PDE4D: variants seen among roughly 807,000 people sequenced by gnomAD.
The protein encoded by PDE4D is phosphodiesterase 4D.
PDE4D carries 24 observed loss-of-function variants against 87.4 expected under a neutral mutation model. The ratio of observed to expected loss-of-function variants is 0.27; its 90% confidence interval spans 0.20 to 0.39. PDE4D has a LOEUF of 0.39. Ranked by LOEUF, PDE4D falls within the 10% of genes least tolerant of loss-of-function variation. PDE4D has a pLI of 1.00. For synonymous variants in PDE4D, 384 were observed against 383.2 expected (o/e 1.00, Z -0.02); for missense variants, 714 against 1,041.0 (o/e 0.69, Z 4.32).
At position 58,975,906 on chromosome 5, in the gene PDE4D, A is replaced by AAG. The variant is rs1743622881; in HGVS notation, c.1831-68_1831-67insCT. 8.3e-7 allele frequency: 1 copy of AAG among 1,209,660 alleles called. No homozygotes were observed. Among genetic ancestry groups the AAG allele is most frequent in the African/African-American group, 1.6e-5 (1 of 64,334 alleles). 74.9% of individuals were successfully genotyped at this position (1,209,660 alleles called of 1,614,324 possible). A position where few individuals can be genotyped will look rare whatever the true frequency, so the allele number is the denominator to read the frequency against. ...TTTTTTAAAAAAAAAAACAAAAAAA[A>AAG]CTAGAAATTCACATTGGATGACTGC... On this transcript the variant is annotated intron_variant, in intron 13 of 14. Coordinates refer to ENST00000340635, the MANE Select transcript of PDE4D (RefSeq NM_001104631.2). The surrounding 1 kb of genome is among the most constrained non-coding windows in gnomAD (Gnocchi z 4.2).
chr5:59,959,416 T>C (rs1304843526), intron 3 of PDE4D, among the ~76,000 whole-genome samples: 1 of 151,988 alleles, frequency 6.6e-6, no homozygotes, highest in African/African-American at 2.4e-5. Flanking sequence ...AAAGCAATCC[T>C]AAAGAAAAAG....
At chr5:60,472,374 C>T (rs1747878551) in intron 1 of PDE4D, among the ~76,000 whole-genome samples, 1 of 152,146 alleles carries the variant, frequency 6.6e-6, no homozygotes, top group Admixed American at 6.6e-5. Context: ...ACCGGAGTTC[C>T]TACTCTTGAT....
At chr5:60,049,101 T>C (rs1182203487) in intron 2 of PDE4D, among the ~76,000 whole-genome samples, 1 of 152,182 alleles carries the variant, frequency 6.6e-6, no homozygotes. Context: ...CCCTTCTCAC[T>C]TCATTTCATT....
At chr5:59,509,619 A>C (rs1809912857) in intron 1 of PDE4D, among the ~76,000 whole-genome samples, 1 of 151,334 alleles carries the variant, frequency 6.6e-6, no homozygotes, top group Admixed American at 6.6e-5. Context: ...CTTCAGCCTT[A>C]AGTTACATAT....
At chr5:59,091,927 A>G (rs1260228899) in intron 5 of PDE4D, among the ~76,000 whole-genome samples, 3 of 152,172 alleles carry the variant, frequency 2.0e-5, no homozygotes, top group African/African-American at 7.2e-5. Flanking sequence ...TATAACATGA[A>G]GCATCTCCTT....
At chr5:60,473,130 AGGAAGGAAGG>A (rs1747967522) in intron 1 of PDE4D, among the ~76,000 whole-genome samples, 2 of 51,254 alleles carry the variant, frequency 3.9e-5, no homozygotes, top group African/African-American at 2.1e-4. Flanking sequence ...AAAGAAAGGA[AGGAAGGAAGG>A]AAGGAAGGAA....
intron 1 of PDE4D, among the ~76,000 whole-genome samples, chr5:59,255,926 T>C (rs1760885199): frequency 6.6e-6 from 1 of 152,172 alleles, no homozygotes; most frequent in South Asian, 2.1e-4. Context: ...GTCTTATAGT[T>C]GTGCATCAGT....
At chr5:59,586,207 A>T in intron 1 of PDE4D, 1 of 717,662 alleles carries the variant, frequency 1.4e-6, no homozygotes, top group Non-Finnish European at 2.4e-6. Flanking sequence ...GGTTTTGCAC[A>T]GTTTACTTTT....
intron 2 of PDE4D, among the ~76,000 whole-genome samples, chr5:60,040,800 C>A (rs1768388747): frequency 6.6e-6 from 1 of 152,100 alleles, no homozygotes; most frequent in African/African-American, 2.4e-5. Context: ...ACTATTATTA[C>A]CCTAAATGTT....
At chr5:59,131,265 A>G (rs1238090149) in intron 5 of PDE4D, among the ~76,000 whole-genome samples, 1 of 152,030 alleles carries the variant, frequency 6.6e-6, no homozygotes, top group East Asian at 1.9e-4. Flanking sequence ...TCTTTCCCCT[A>G]CTAGAGTATA....
chr5:59,645,308 G>T (rs748086191), intron 1 of PDE4D, among the ~76,000 whole-genome samples: 1 of 152,154 alleles, frequency 6.6e-6, no homozygotes, highest in African/African-American at 2.4e-5. Flanking sequence ...ACTGGAAAAG[G>T]CTCGAGGGGT....
intron 2 of PDE4D, among the ~76,000 whole-genome samples, chr5:60,117,370 A>G (rs1332272427): frequency 1.3e-5 from 2 of 151,960 alleles, no homozygotes; most frequent in East Asian, 1.9e-4. Context: ...TCACAAGTCT[A>G]TATCAAACAC....
intron 1 of PDE4D, among the ~76,000 whole-genome samples, chr5:60,209,010 A>G (rs1435926334): frequency 6.6e-6 from 1 of 151,792 alleles, no homozygotes; most frequent in African/African-American, 2.4e-5. Context: ...TTAAAACCAG[A>G]TTTCTGAGAT....
intron 1 of PDE4D, among the ~76,000 whole-genome samples, chr5:59,849,844 G>A (rs1378008222): frequency 6.6e-6 from 1 of 152,018 alleles, no homozygotes; most frequent in Non-Finnish European, 1.5e-5. Context: ...AAGTTAGGCT[G>A]GGTGCTATGA....
chr5:60,504,233 C>T (rs1750223093), intron 1 of PDE4D, among the ~76,000 whole-genome samples: 1 of 149,550 alleles, frequency 6.7e-6, no homozygotes, highest in African/African-American at 2.5e-5. Flanking sequence ...TCCCTTGGAA[C>T]TTAAGAAAGC....
At chr5:60,238,609 G>C (rs1746698299) in intron 1 of PDE4D, among the ~76,000 whole-genome samples, 1 of 151,756 alleles carries the variant, frequency 6.6e-6, no homozygotes, top group Non-Finnish European at 1.5e-5. Flanking sequence ...TTGATTACTA[G>C]TGAGCTAAAG....
chr5:60,473,178 AGGAAAAAG>A (rs1561294439), intron 1 of PDE4D, among the ~76,000 whole-genome samples: 20 of 141,706 alleles, frequency 1.4e-4, no homozygotes, highest in Non-Finnish European at 2.5e-4. Flanking sequence ...GAAGGAAGGA[AGGAAAAAG>A]AAAGAAAAAA....
chr5:60,250,860 G>T (rs562891125), intron 1 of PDE4D, among the ~76,000 whole-genome samples: 10 of 151,990 alleles, frequency 6.6e-5, no homozygotes, highest in East Asian at 3.9e-4. Flanking sequence ...CCATAAGAAG[G>T]CATGGTCATC....
At chr5:59,717,436 A>T (rs1254002159) in intron 1 of PDE4D, among the ~76,000 whole-genome samples, 1 of 152,252 alleles carries the variant, frequency 6.6e-6, no homozygotes, top group African/African-American at 2.4e-5. Flanking sequence ...TCTTATAAAT[A>T]CTGTTTGTAA....
Sources: allele counts gnomAD v4.1 joint callset (sites outside exome capture counted in the v4.1 genomes callset), GRCh38; gene constraint gnomAD v4.1.1; non-coding constraint Gnocchi (gnomAD v3.1); transcripts MANE v1.5; gene names NCBI Gene and HGNC (gene_info 2026-07-23, HGNC 2026-07-21).